Variants in WDPCP observed in about 807,000 individuals in gnomAD.
WDPCP encodes the protein WD repeat-containing and planar cell polarity effector protein fritz homolog.
WDPCP carries 71 observed loss-of-function variants against 93.1 expected under a neutral mutation model. The observed-to-expected ratio is 0.76, with a 90% CI of 0.63 to 0.93. The LOEUF is 0.93. Among genes scored for constraint, WDPCP ranks in the 40% least tolerant of loss-of-function variants. WDPCP has a pLI of 0.00. For synonymous variants in WDPCP, 315 were observed against 315.0 expected (o/e 1.00, Z 0.00); for missense variants, 844 against 887.4 (o/e 0.95, Z 0.62).
At chr2:63,138,687 C>T (rs185708233) in intron 17 of WDPCP, among the ~76,000 whole-genome samples, 10 of 152,114 alleles carry the variant, frequency 6.6e-5, no homozygotes, top group South Asian at 4.1e-4. Flanking sequence ...CTCCTGACCT[C>T]GTGATCCACC....
chr2:63,243,836 T>C (rs1680057055), intron 14 of WDPCP, among the ~76,000 whole-genome samples: 2 of 152,096 alleles, frequency 1.3e-5, no homozygotes, highest in Non-Finnish European at 1.5e-5. Context: ...AAAGAACTTC[T>C]AGACTTCAAC....
chr2:63,179,541 A>T (rs972958773), intron 14 of WDPCP, among the ~76,000 whole-genome samples: 1 of 151,692 alleles, frequency 6.6e-6, no homozygotes, highest in Non-Finnish European at 1.5e-5. Flanking sequence ...TTCTGCCATG[A>T]GGAAAAGCTC....
intron 3 of WDPCP, among the ~76,000 whole-genome samples, chr2:63,610,659 T>C (rs1475338115): frequency 6.6e-6 from 1 of 152,194 alleles, no homozygotes; most frequent in Non-Finnish European, 1.5e-5. Flanking sequence ...CCATGGCCTA[T>C]AGCTCAGAAA....
At chr2:63,458,619 A>G (rs1251918373) in intron 6 of WDPCP, among the ~76,000 whole-genome samples, 2 of 152,202 alleles carry the variant, frequency 1.3e-5, no homozygotes, top group Non-Finnish European at 2.9e-5. Flanking sequence ...AGAAAATACC[A>G]TGCTCATGGA....
chr2:63,268,979 T>C (rs1435746088), intron 13 of WDPCP, among the ~76,000 whole-genome samples: 1 of 152,072 alleles, frequency 6.6e-6, no homozygotes, highest in East Asian at 1.9e-4. Flanking sequence ...TATAAAAGAA[T>C]CATGCATCTT....
intron 9 of WDPCP, among the ~76,000 whole-genome samples, chr2:63,406,132 T>A (rs1372327242): frequency 6.6e-6 from 1 of 151,988 alleles, no homozygotes; most frequent in Non-Finnish European, 1.5e-5. Context: ...GGCAGAGTGC[T>A]GGATTGGGGA....
intron 13 of WDPCP, among the ~76,000 whole-genome samples, chr2:63,282,792 C>G (rs1324188625): frequency 6.6e-6 from 1 of 152,120 alleles, no homozygotes; most frequent in South Asian, 2.1e-4. Flanking sequence ...TGTCTCATGA[C>G]TTCCCCCACC....
At chr2:63,303,970 C>CAAAAAAAAAAAAAAAAAA (rs34553510) in intron 13 of WDPCP, among the ~76,000 whole-genome samples, 1 of 131,360 alleles carries the variant, frequency 7.6e-6, no homozygotes. Context: ...AGTAAAAAGT[C>CAAAAAAAAAAAAAAAAAA]AAAAAAAAAA....
intron 1 of WDPCP, among the ~76,000 whole-genome samples, chr2:63,551,152 ATTCATCATTTC>A (rs1705605965): frequency 6.6e-6 from 1 of 152,196 alleles, no homozygotes; most frequent in Non-Finnish European, 1.5e-5. Context: ...AGACCTTCAA[ATTCATCATTTC>A]TTATGTACAA....
intron 15 of WDPCP, among the ~76,000 whole-genome samples, chr2:63,169,293 A>G (rs981416151): frequency 6.6e-6 from 1 of 152,212 alleles, no homozygotes; most frequent in Non-Finnish European, 1.5e-5. Flanking sequence ...TGTTTCTTTT[A>G]GCGTTCATAC....
intron 14 of WDPCP, among the ~76,000 whole-genome samples, chr2:63,201,040 A>G (rs189118773): frequency 1.3e-5 from 2 of 152,290 alleles, no homozygotes; most frequent in Admixed American, 6.5e-5. Flanking sequence ...GTATTTCCCA[A>G]TGTTGGAGGA....
intron 12 of WDPCP, among the ~76,000 whole-genome samples, chr2:63,326,539 G>T (rs1176580870): frequency 1.4e-5 from 2 of 141,720 alleles, no homozygotes; most frequent in East Asian, 4.3e-4. Context: ...ACAGAGAGGG[G>T]TAGGGAGAGA....
chr2:63,585,251 T>C (rs1049861597), intron 1 of WDPCP, among the ~76,000 whole-genome samples: 4 of 152,220 alleles, frequency 2.6e-5, no homozygotes, highest in African/African-American at 9.6e-5. Flanking sequence ...CTAAAGTGAA[T>C]GTAATAATTA....
At chr2:63,384,657 G>A (rs539417784) in intron 10 of WDPCP, among the ~76,000 whole-genome samples, 2 of 151,920 alleles carry the variant, frequency 1.3e-5, no homozygotes, top group African/African-American at 2.4e-5. Context: ...AGGCTAAGGC[G>A]GGAGGACTGC....
chr2:63,313,887 T>TATATATATATA (rs1268057820), intron 12 of WDPCP, among the ~76,000 whole-genome samples: 4 of 57,652 alleles, frequency 6.9e-5, no homozygotes, highest in Non-Finnish European at 2.0e-4. Flanking sequence ...TATATATATA[T>TATATATATATA]TTTTTTTTTT....
At chr2:63,129,015 A>G (rs1372136337) in intron 17 of WDPCP, among the ~76,000 whole-genome samples, 1 of 152,176 alleles carries the variant, frequency 6.6e-6, no homozygotes, top group African/African-American at 2.4e-5. Flanking sequence ...TACTTCATAT[A>G]AGTGGAGTAA....
At position 63,468,941 on chromosome 2, in the gene WDPCP, C is replaced by A. The variant is rs529097719; in HGVS notation, c.384+15663G>T. Among the ~76,000 whole-genome samples the A allele has an allele frequency of 6.6e-5, 10 of 151,914 alleles. 1 individual carries two copies. Among genetic ancestry groups the A allele is most frequent in the Admixed American group, 3.3e-4 (5 of 15,224 alleles). On this transcript the variant is annotated intron_variant, in intron 6 of 17. Transcript: ENST00000272321. The stretch of plus-strand genomic sequence containing the variant: ...TACTCTATTTCTCCATTTTCCTTTA[C>A]AACATTAACCCTTTTTATAAGCCCC...
intron 2 of WDPCP, among the ~76,000 whole-genome samples, chr2:63,730,674 T>C (rs1368250211): frequency 1.3e-5 from 2 of 151,956 alleles, no homozygotes; most frequent in African/African-American, 4.8e-5. Context: ...CCAGGAGATA[T>C]GACATGATCA....
intron 2 of WDPCP, among the ~76,000 whole-genome samples, chr2:63,793,498 C>A (rs1670573533): frequency 6.6e-6 from 1 of 152,074 alleles, no homozygotes; most frequent in African/African-American, 2.4e-5. Flanking sequence ...GTAATCCCAA[C>A]ACTCTGGGAG....
Sources: gnomAD v4.1 joint callset for allele counts (sites outside exome capture counted in the v4.1 genomes callset) on GRCh38, gnomAD v4.1.1 for gene constraint, MANE v1.5 for transcripts, NCBI Gene and HGNC (gene_info 2026-07-23, HGNC 2026-07-21) for gene names.